Variants in GTF2IRD1 observed in about 807,000 individuals in gnomAD.
GTF2IRD1 encodes the protein general transcription factor II-I repeat domain-containing protein 1.
Under a neutral mutation model 113.2 loss-of-function variants are expected in GTF2IRD1, and 26 were observed. The ratio of observed to expected loss-of-function variants is 0.23; its 90% CI spans 0.17 to 0.32. The LOEUF is 0.32. Ranked by LOEUF, GTF2IRD1 falls within the 10% of genes least tolerant of loss-of-function variation. GTF2IRD1 has a pLI of 1.00. For missense variants in GTF2IRD1, 864 were observed against 1,280.8 expected (o/e 0.67, Z 4.97); for synonymous variants, 484 against 529.1 (o/e 0.91, Z 1.17).
chr7:74,597,698 T>C (rs2131066821), intron 25 of GTF2IRD1, among the ~76,000 whole-genome samples: 1 of 152,190 alleles, frequency 6.6e-6, no homozygotes, highest in African/African-American at 2.4e-5. Flanking sequence ...AAAATACTGA[T>C]CTAATCTTAC....
intron 14 of GTF2IRD1, among the ~76,000 whole-genome samples, chr7:74,541,921 TAGATA>T (rs1366945193): frequency 2.0e-5 from 3 of 149,790 alleles, no homozygotes; most frequent in African/African-American, 7.4e-5. Context: ...AATAGATAGA[TAGATA>T]GATAGATAGA....
chr7:74,495,714 A>C (rs949696083), intron 1 of GTF2IRD1, among the ~76,000 whole-genome samples: 42 of 152,162 alleles, frequency 2.8e-4, no homozygotes, highest in Admixed American at 2.0e-4. Context: ...ACAAGAGCTA[A>C]GAGGGAGCCA....
chr7:74,572,648 T>A, intron 22 of GTF2IRD1: 1 of 613,348 alleles, frequency 1.6e-6, no homozygotes, highest in Non-Finnish European at 2.0e-6. Flanking sequence ...ACACACCCTC[T>A]GGCCCCTGCC....
intron 9 of GTF2IRD1, among the ~76,000 whole-genome samples, chr7:74,532,038 C>CT (rs1797989989): frequency 6.6e-6 from 1 of 152,170 alleles, no homozygotes; most frequent in Non-Finnish European, 1.5e-5. Flanking sequence ...GAGAAGATTT[C>CT]TAGAACTCAG....
chr7:74,454,588 T>C (rs112329580), intron 1 of GTF2IRD1, among the ~76,000 whole-genome samples: 5 of 151,728 alleles, frequency 3.3e-5, no homozygotes, highest in African/African-American at 4.8e-5. Context: ...TCCCCGCCTT[T>C]CCCCCCTCCA....
intron 1 of GTF2IRD1, among the ~76,000 whole-genome samples, chr7:74,475,703 G>C (rs761795595): frequency 1.6e-4 from 24 of 152,234 alleles, no homozygotes; most frequent in Non-Finnish European, 2.4e-4. Context: ...GAGGGCAGAA[G>C]TGGAAGTAAT....
At chr7:74,488,330 G>T (rs1035726264) in intron 1 of GTF2IRD1, among the ~76,000 whole-genome samples, 4 of 152,096 alleles carry the variant, frequency 2.6e-5, no homozygotes, top group Non-Finnish European at 4.4e-5. Context: ...CTTGCTCTGG[G>T]TATCAAAATC....
intron 1 of GTF2IRD1, among the ~76,000 whole-genome samples, chr7:74,477,118 C>A (rs2117067280): frequency 6.6e-6 from 1 of 152,096 alleles, no homozygotes; most frequent in South Asian, 2.1e-4. Flanking sequence ...AATCCCAGCA[C>A]TTTGGGAGGC....
intron 1 of GTF2IRD1, among the ~76,000 whole-genome samples, chr7:74,500,314 C>G (rs1401102529): frequency 2.6e-5 from 4 of 151,924 alleles, no homozygotes; most frequent in Non-Finnish European, 5.9e-5. Context: ...CGTGGTGGCT[C>G]TCGCCTGTAA....
chr7:74,575,212 C>A (rs961107526), intron 22 of GTF2IRD1, among the ~76,000 whole-genome samples: 1 of 152,088 alleles, frequency 6.6e-6, no homozygotes, highest in Non-Finnish European at 1.5e-5. Flanking sequence ...TAGGAGATTG[C>A]AACATTATTT....
intron 2 of GTF2IRD1, among the ~76,000 whole-genome samples, chr7:74,511,516 C>T (rs1299189440): frequency 1.3e-5 from 2 of 152,328 alleles, no homozygotes; most frequent in African/African-American, 4.8e-5. Context: ...AGAAAGGGAA[C>T]AGCAAGCTTT....
intron 22 of GTF2IRD1, among the ~76,000 whole-genome samples, chr7:74,575,701 G>A (rs190558019): frequency 9.9e-5 from 15 of 152,262 alleles, no homozygotes; most frequent in Admixed American, 4.6e-4. Context: ...GGGGAAGGAC[G>A]GAGGTGCTGT....
chr7:74,538,498 G>T (rs1287276325), intron 12 of GTF2IRD1, among the ~76,000 whole-genome samples, 182 bp from the exon 13 acceptor site: 2 of 152,212 alleles, frequency 1.3e-5, no homozygotes, highest in Non-Finnish European at 2.9e-5. Flanking sequence ...GAGCCCCTAA[G>T]CCTGGCCTGA....
intron 1 of GTF2IRD1, among the ~76,000 whole-genome samples, chr7:74,502,145 C>T (rs1796067244): frequency 6.6e-6 from 1 of 152,198 alleles, no homozygotes; most frequent in South Asian, 2.1e-4. Context: ...TGCCATGTTT[C>T]CCAGGCTGGT....
Position 74,589,841 on chromosome 7 carries a change from C to T in GTF2IRD1, c.2321-10C>T, listed in dbSNP as rs781951867. 71 of 1,593,650 alleles carry T rather than the reference C, an allele frequency of 4.5e-5. No homozygotes were observed. In the Admixed American group the frequency reaches 1.2e-3, roughly 26 times the overall value. ...GCCAACTCTCATGCCCCCTTGTCTT[C>T]CTCTTGTAGATGAAGATGACGCCAA... On this transcript the variant is annotated splice_polypyrimidine_tract_variant and intron_variant, in intron 22 of 26. Transcript: ENST00000424337.
intron 1 of GTF2IRD1, among the ~76,000 whole-genome samples, chr7:74,494,622 T>C (rs1480418492): frequency 1.3e-5 from 2 of 152,092 alleles, no homozygotes; most frequent in Admixed American, 1.3e-4. Context: ...ATTAAGAACT[T>C]ATTTATTTAT....
intron 22 of GTF2IRD1, among the ~76,000 whole-genome samples, chr7:74,587,521 G>GC (rs1226059076): frequency 6.6e-6 from 1 of 151,820 alleles, no homozygotes; most frequent in East Asian, 1.9e-4. Flanking sequence ...GAATCATCCG[G>GC]CCCTGGCTCC....
intron 1 of GTF2IRD1, among the ~76,000 whole-genome samples, chr7:74,473,134 C>T (rs782109909): frequency 5.3e-5 from 8 of 152,182 alleles, no homozygotes; most frequent in Non-Finnish European, 1.0e-4. Flanking sequence ...CCTGGAGTAA[C>T]CCCCAAGCCT....
chr7:74,522,625 CA>C (rs1227448091), intron 7 of GTF2IRD1, among the ~76,000 whole-genome samples: 1 of 152,206 alleles, frequency 6.6e-6, no homozygotes, highest in Non-Finnish European at 1.5e-5. Flanking sequence ...GTCACTGCCC[CA>C]AACAAGGTCC....
Sources: allele counts gnomAD v4.1 joint callset (sites outside exome capture counted in the v4.1 genomes callset), GRCh38; gene constraint gnomAD v4.1.1; transcripts MANE v1.5; gene names NCBI Gene and HGNC (gene_info 2026-07-23, HGNC 2026-07-21).